Variants in SMYD3 observed in about 807,000 individuals in gnomAD.
The protein encoded by SMYD3 is SET and MYND domain containing 3, also known as histone-lysine N-methyltransferase SMYD3.
A neutral mutation model predicts 57.7 loss-of-function variants in SMYD3; 36 were observed. The ratio of observed to expected loss-of-function variants is 0.62; its 90% CI spans 0.48 to 0.82. The LOEUF (loss-of-function observed/expected upper bound fraction) is 0.82, where lower values mean the gene tolerates loss of function less well. SMYD3 is among the 40% of genes least tolerant of loss of function. The pLI, the probability that SMYD3 is intolerant of heterozygous loss-of-function variation, is 0.00. For missense variants in SMYD3, 515 were observed against 538.8 expected, an observed-to-expected ratio of 0.96 and a Z score of 0.44; for synonymous variants, 211 against 195.0, an observed-to-expected ratio of 1.08 and a Z score of -0.68.
chr1:246,297,991 C>T (rs1325116514), intron 5 of SMYD3, among the ~76,000 whole-genome samples: 2 of 151,998 alleles, frequency 1.3e-5, no homozygotes, highest in Non-Finnish European at 2.9e-5. Context: ...GATGAATATT[C>T]CATCATCTTT....
At chr1:245,796,741 T>G (rs2047538421) in intron 10 of SMYD3, among the ~76,000 whole-genome samples, 1 of 152,186 alleles carries the variant, frequency 6.6e-6, no homozygotes, top group African/African-American at 2.4e-5. Flanking sequence ...TCATCAAGAC[T>G]CCACTCCACA....
In SMYD3 at chr1:246,335,341, C is replaced by A. The variant is rs370162343; in HGVS notation, c.336+26G>T. 5.6e-6 allele frequency: 9 copies of A among 1,594,990 alleles called. No homozygotes were observed. The African/African-American group carries it at 1.1e-4, about 19-fold the overall frequency. Reference sequence around the variant, plus strand: ...ATATGTTTATTTAACCAAAACCCAGCTATATTTCATGAGTTTTATACTCAC... The same window carrying A: ...ATATGTTTATTTAACCAAAACCCAGATATATTTCATGAGTTTTATACTCAC... On this transcript the variant is annotated intron_variant, in intron 3 of 11. Transcript: ENST00000490107.
At chr1:245,867,555 C>T (rs1314277855) in intron 8 of SMYD3, among the ~76,000 whole-genome samples, 1 of 152,068 alleles carries the variant, frequency 6.6e-6, no homozygotes, top group African/African-American at 2.4e-5. Flanking sequence ...CTGTTCTAGG[C>T]AGTAGGGATA....
At chr1:246,039,993 G>T (rs971488598) in intron 5 of SMYD3, among the ~76,000 whole-genome samples, 4 of 152,162 alleles carry the variant, frequency 2.6e-5, no homozygotes, top group Non-Finnish European at 4.4e-5. Context: ...TTGTCTTAGC[G>T]TAAGTTACAG....
intron 11 of SMYD3, among the ~76,000 whole-genome samples, chr1:245,752,556 G>A (rs1020538031): frequency 7.2e-5 from 11 of 152,164 alleles, no homozygotes; most frequent in Admixed American, 2.6e-4. Context: ...TTCCTTCCTC[G>A]CTCTTTTCTT....
chr1:246,086,178 C>T (rs79292187), intron 5 of SMYD3, among the ~76,000 whole-genome samples: 9,237 of 151,968 alleles, frequency 0.061, 970 homozygotes, highest in African/African-American at 0.21. Context: ...GACACCCCAC[C>T]ACAGCATACC....
intron 5 of SMYD3, among the ~76,000 whole-genome samples, chr1:246,037,179 G>C (rs1009807507): frequency 1.3e-5 from 2 of 152,152 alleles, no homozygotes. Flanking sequence ...TGTAATTGCT[G>C]AGTCAAAGGA....
chr1:246,345,988 T>C (rs894027388), intron 2 of SMYD3, among the ~76,000 whole-genome samples: 1 of 152,006 alleles, frequency 6.6e-6, no homozygotes. Context: ...GACCTAATCA[T>C]AGAACTATAG....
At chr1:245,820,545 GGGCAATTA>G (rs2049104152) in intron 10 of SMYD3, among the ~76,000 whole-genome samples, 1 of 151,516 alleles carries the variant, frequency 6.6e-6, no homozygotes. Flanking sequence ...GTTCTGGCCA[GGGCAATTA>G]GGCAGGAGAA....
At chr1:246,300,642 C>T (rs573408490) in intron 5 of SMYD3, among the ~76,000 whole-genome samples, 6 of 152,204 alleles carry the variant, frequency 3.9e-5, no homozygotes, top group Non-Finnish European at 7.4e-5. Flanking sequence ...ATCAGTTCTA[C>T]CACTGACTAG....
intron 1 of SMYD3, among the ~76,000 whole-genome samples, chr1:246,405,110 C>T (rs1018382887): frequency 1.3e-5 from 2 of 152,080 alleles, no homozygotes; most frequent in African/African-American, 2.4e-5. Flanking sequence ...CACGACCACA[C>T]CTGGCTAATT....
intron 1 of SMYD3, among the ~76,000 whole-genome samples, chr1:246,481,621 T>TATATATATATATAGATATACAC (rs1307881494): frequency 1.0e-5 from 1 of 98,552 alleles, no homozygotes; most frequent in African/African-American, 3.7e-5. Context: ...CATACATATA[T>TATATATATATATAGATATACAC]ACATACATAC....
chr1:245,956,437 C>A (rs2057842656), intron 5 of SMYD3, among the ~76,000 whole-genome samples: 1 of 152,200 alleles, frequency 6.6e-6, no homozygotes. Context: ...ATAATCTGAG[C>A]TGACACAAGT....
chr1:246,324,305 C>T (rs2148655811), intron 5 of SMYD3, among the ~76,000 whole-genome samples: 1 of 151,456 alleles, frequency 6.6e-6, no homozygotes, highest in African/African-American at 2.4e-5. Context: ...ATCCCAGCTC[C>T]TTGGGAGGCT....
At chr1:246,145,610 G>A (rs1242545199) in intron 5 of SMYD3, among the ~76,000 whole-genome samples, 1 of 152,190 alleles carries the variant, frequency 6.6e-6, no homozygotes, top group Non-Finnish European at 1.5e-5. Context: ...TGGCAATCAG[G>A]TGACCGAGTG....
chr1:246,140,270 T>C (rs955249570), intron 5 of SMYD3, among the ~76,000 whole-genome samples: 1 of 152,196 alleles, frequency 6.6e-6, no homozygotes, highest in African/African-American at 2.4e-5. Context: ...GCTTTGGATG[T>C]GCATTATTTT....
chr1:246,458,506 G>A (rs1232562857), intron 1 of SMYD3, among the ~76,000 whole-genome samples: 2 of 139,460 alleles, frequency 1.4e-5, no homozygotes, highest in South Asian at 2.3e-4. Context: ...GAGTGCAGTG[G>A]TGCGATCTCG....
intron 5 of SMYD3, among the ~76,000 whole-genome samples, chr1:246,085,784 A>C (rs941874237): frequency 2.6e-5 from 4 of 152,184 alleles, no homozygotes; most frequent in Admixed American, 1.3e-4. Flanking sequence ...ATTTTATTAG[A>C]GGGGGTCCCA....
At position 246,406,954 on chromosome 1, in the gene SMYD3, T is replaced by A. The variant is rs560529432; in HGVS notation, c.165-51860A>T. On this transcript the variant is annotated intron_variant, in intron 1 of 11. Transcript: ENST00000490107. ...CAGGCAAGGAGAAGTCTCTTGGGATTTGGATATGACAGCAGCTCTCATTGT... is the reference window on the plus strand; with the variant it reads ...CAGGCAAGGAGAAGTCTCTTGGGATATGGATATGACAGCAGCTCTCATTGT... 3.3e-4 allele frequency among the ~76,000 whole-genome samples: 50 copies of A among 152,352 alleles called. 1 individual carries two copies. The highest frequency in any genetic ancestry group is 1.2e-3 in the African/African-American group (50 of 41,578).
Sources: gnomAD v4.1 joint callset for allele counts (sites outside exome capture counted in the v4.1 genomes callset) on GRCh38, gnomAD v4.1.1 for gene constraint, MANE v1.5 for transcripts, NCBI Gene and HGNC (gene_info 2026-07-23, HGNC 2026-07-21) for gene names.